The following SEPSECS variants were observed in gnomAD, a reference collection of about 807,000 sequenced individuals.
The protein encoded by SEPSECS is O-phosphoseryl-tRNA(Sec) selenium transferase.
SEPSECS carries 42 observed loss-of-function variants against 52.1 expected under a neutral mutation model. The observed-to-expected ratio is 0.81, with a 90% CI of 0.63 to 1.04. The LOEUF (loss-of-function observed/expected upper bound fraction) is 1.04. SEPSECS is among the 50% of genes least tolerant of loss of function. The pLI is 0.00. For synonymous variants in SEPSECS, 216 were observed against 211.4 expected, an observed-to-expected ratio of 1.02 and a Z score of -0.19; for missense variants, 590 against 610.6, an observed-to-expected ratio of 0.97 and a Z score of 0.36.
intron 8 of SEPSECS, among the ~76,000 whole-genome samples, chr4:25,142,234 G>A (rs1205215691): frequency 1.3e-5 from 2 of 151,980 alleles, no homozygotes; most frequent in African/African-American, 2.4e-5. Context: ...GCAAGATCAC[G>A]CCACTGCACT....
In SEPSECS at chr4:25,145,103, C is replaced by T; in HGVS notation, c.835G>A (p.Val279Ile). 6.2e-7 allele frequency: 1 copy of T among 1,613,852 alleles called. No individual in the cohort carries two copies. The highest frequency in any genetic ancestry group is 8.5e-7 in the Non-Finnish European group (1 of 1,179,878). Reference sequence around the variant, plus strand: ...ATAAAATTTTTGTCCAAGCTCTGAACAAAAGCATCTATTCTACCAACTCGA... The same window carrying T: ...ATAAAATTTTTGTCCAAGCTCTGAATAAAAGCATCTATTCTACCAACTCGA... ...GARVGRIDAFVQSLDKNFMVP... is the reference protein window; with the variant it reads ...GARVGRIDAFIQSLDKNFMVP... Residue 279 changes from valine to isoleucine, a missense_variant, in exon 7 of 11, where the codon GTT becomes ATT. Val to Ile is a conservative substitution (Grantham distance 29, BLOSUM62 3). Transcript: ENST00000382103.
At chr4:25,138,690 TAA>T (rs1237217513) in intron 8 of SEPSECS, among the ~76,000 whole-genome samples, 3 of 152,158 alleles carry the variant, frequency 2.0e-5, no homozygotes, top group Non-Finnish European at 4.4e-5. Flanking sequence ...TACCTATGTA[TAA>T]GTGTTAAAAT....
rs1430526748 is a variant in SEPSECS, at chr4:25,121,036, T to G, written c.*2895A>C. The stretch of plus-strand genomic sequence containing the variant: ...AATATTAGAAAAATTTAATTTATAT[T>G]TAAATTTACCATTCTGTATATCAAG... On this transcript the variant is annotated 3_prime_UTR_variant, in exon 11 of 11. Coordinates refer to ENST00000382103, the MANE Select transcript of SEPSECS (RefSeq NM_016955.4). 6.6e-6 allele frequency: 1 copy of G among 152,136 alleles called. No individual in the cohort carries two copies. The highest frequency in any genetic ancestry group is 2.4e-5 in the African/African-American group (1 of 41,448). The allele number at this position is 152,136 out of a possible 1,614,324, so 9.4% of individuals were successfully genotyped here.
intron 4 of SEPSECS, among the ~76,000 whole-genome samples, chr4:25,155,450 AAC>A (rs1296951671): frequency 6.6e-6 from 1 of 152,256 alleles, no homozygotes; most frequent in African/African-American, 2.4e-5. Flanking sequence ...TAGAAGTAAT[AAC>A]ATAGACACTG....
rs943847863 is a variant in SEPSECS, at chr4:25,125,889, A to G, written c.1121-105T>C. The G allele has an allele frequency of 1.2e-5, 9 of 756,686 alleles. No individual in the cohort carries two copies. In the African/African-American group the frequency reaches 1.2e-4, roughly 10 times the overall value. 46.9% of individuals were successfully genotyped at this position (756,686 alleles called of 1,614,324 possible). Reference sequence around the variant, plus strand: ...AAGGCATTACTTTTTATTCATTGTCAAGTGGCACAATTTCACTTTAATGTA... The same window carrying G: ...AAGGCATTACTTTTTATTCATTGTCGAGTGGCACAATTTCACTTTAATGTA... On this transcript the variant is annotated intron_variant, in intron 9 of 10. Transcript: ENST00000382103.
chr4:25,156,954 C>A lies in SEPSECS; in HGVS notation c.290G>T (p.Arg97Leu). 6.2e-7 allele frequency: 1 copy of A among 1,610,808 alleles called. No individual in the cohort carries two copies. The change falls in exon 3 of 11, where the codon CGA becomes CTA. Residue 97 changes from arginine to leucine, a missense_variant. Arg to Leu is a moderately radical substitution (Grantham distance 102). Coordinates refer to ENST00000382103, the MANE Select transcript of SEPSECS (RefSeq NM_016955.4). ...TTGCACAGCAGAAATATCACCGGAT[C>A]GTCCAATGCCATGAATGAACCTAAG... ...RHYRFIHGIGRSGDISAVQPK... is the reference protein window; with the variant it reads ...RHYRFIHGIGLSGDISAVQPK...
At chr4:25,159,303 A>T (rs1712897071) in intron 1 of SEPSECS, among the ~76,000 whole-genome samples, 196 bp from the exon 2 acceptor site, 1 of 152,202 alleles carries the variant, frequency 6.6e-6, no homozygotes, top group East Asian at 1.9e-4. Context: ...TTATTTACAG[A>T]TTTCGAGAAG....
intron 8 of SEPSECS, among the ~76,000 whole-genome samples, chr4:25,128,458 A>G (rs893233354): frequency 6.6e-6 from 1 of 151,854 alleles, no homozygotes; most frequent in Non-Finnish European, 1.5e-5. Context: ...AACAAAAACA[A>G]AAACAAAACA....
rs2109485421 is a variant in SEPSECS, at chr4:25,127,284, G to T, written c.1100C>A (p.Pro367His). The T allele has an allele frequency of 2.5e-6, 4 of 1,610,880 alleles. No individual in the cohort carries two copies. In the South Asian group the frequency reaches 3.3e-5, roughly 13 times the overall value. Residue 367 changes from proline (P) to histidine (H), a missense_variant, in exon 9 of 11, where the codon CCT (proline) becomes CAT (histidine). Pro to His is a moderately conservative substitution (Grantham distance 77). Coordinates refer to ENST00000382103, the MANE Select transcript of SEPSECS (RefSeq NM_016955.4). The part of the protein sequence containing the change: ...EAYNERLLHT[P>H]HNPISLAMTL... ...ATTACCTAAAGATATGGGATTGTGA[G>T]GTGTATGCAACAGTCTTTCATTGTA...
rs1323473750 is a variant in SEPSECS, at chr4:25,160,275, A to C, written c.95T>G (p.Ile32Arg). Residue 32 changes from isoleucine to arginine, a missense_variant, in exon 1 of 11, where the codon ATA (isoleucine) becomes AGA (arginine). Transcript: ENST00000382103. ...CEARRSHEHL[I>R]RLLLEKGKCP... ...CGGTACCTTCTCCAGAAGCAGCCGT[A>C]TGAGGTGCTCATGCGAGCGGCGGGC... 6.4e-7 allele frequency: 1 copy of C among 1,556,974 alleles called. No homozygotes were observed.
At chr4:25,129,379 T>G (rs13101553) in intron 8 of SEPSECS, among the ~76,000 whole-genome samples, 57,484 of 151,718 alleles carry the variant, frequency 0.38, 12,971 homozygotes, top group Non-Finnish European at 0.5. Flanking sequence ...TCCCAGCATT[T>G]TTGGGAGGCT....
intron 8 of SEPSECS, among the ~76,000 whole-genome samples, chr4:25,131,291 T>C (rs1166703602): frequency 6.6e-6 from 1 of 152,226 alleles, no homozygotes; most frequent in Non-Finnish European, 1.5e-5. Flanking sequence ...AACATACTGT[T>C]TCATGTTATA....
At chr4:25,144,237 G>A (rs1390654374) in intron 8 of SEPSECS, among the ~76,000 whole-genome samples, 1 of 151,484 alleles carries the variant, frequency 6.6e-6, no homozygotes, top group Non-Finnish European at 1.5e-5. Context: ...CTACTCGGGA[G>A]GCTGAGGCAG....
intron 8 of SEPSECS, 140 bp downstream of exon 8, chr4:25,144,634 G>A: frequency 1.5e-6 from 1 of 652,842 alleles, no homozygotes; most frequent in Non-Finnish European, 2.7e-6. Flanking sequence ...ACCTATGGTG[G>A]TTCCAGATCT....
intron 6 of SEPSECS, among the ~76,000 whole-genome samples, chr4:25,149,761 C>T (rs1477949455): frequency 6.6e-6 from 1 of 152,120 alleles, no homozygotes; most frequent in East Asian, 1.9e-4. Context: ...AAATGTTTTT[C>T]AAGATTTCCA....
chr4:25,137,702 A>G (rs1440262211), intron 8 of SEPSECS, among the ~76,000 whole-genome samples: 4 of 152,242 alleles, frequency 2.6e-5, no homozygotes, highest in African/African-American at 7.2e-5. Flanking sequence ...CGACCCAGCA[A>G]TCCCATTACT....
Position 25,123,973 on chromosome 4 carries a change from T to C in SEPSECS, c.1464A>G (p.Leu488=), listed in dbSNP as rs912718567. 5 of 1,613,524 alleles carry C rather than the reference T, an allele frequency of 3.1e-6. No individual in the cohort carries two copies. The highest frequency in any genetic ancestry group is 4.2e-6 in the Non-Finnish European group (5 of 1,179,602). The change falls in exon 11 of 11, where the codon CTA becomes CTG. Residue 488 remains leucine (L), a synonymous_variant. Coordinates refer to ENST00000382103, the MANE Select transcript of SEPSECS (RefSeq NM_016955.4). Reference sequence around the variant, plus strand: ...GGTATGTGTCAAGAAGTACATTATCTAGTTTTAAAGCCATTTCTTCAATAT... The same window carrying C: ...GGTATGTGTCAAGAAGTACATTATCCAGTTTTAAAGCCATTTCTTCAATAT... ...DVDIEEMALK[L]DNVLLDTYQD...
intron 8 of SEPSECS, among the ~76,000 whole-genome samples, chr4:25,141,520 T>G (rs922401440): frequency 6.6e-6 from 1 of 152,192 alleles, no homozygotes; most frequent in Admixed American, 6.5e-5. Flanking sequence ...TCCTTCCAAT[T>G]GCTCAGGTCA....
chr4:25,143,793 G>A (rs987017753), intron 8 of SEPSECS, among the ~76,000 whole-genome samples: 8 of 152,182 alleles, frequency 5.3e-5, no homozygotes, highest in African/African-American at 1.9e-4. Context: ...AATATATAAA[G>A]TACTATTATA....
Sources: gnomAD v4.1 joint callset for allele counts (sites outside exome capture counted in the v4.1 genomes callset) on GRCh38, gnomAD v4.1.1 for gene constraint, MANE v1.5 for transcripts, NCBI Gene and HGNC (gene_info 2026-07-23, HGNC 2026-07-21) for gene names.